The following PIK3C3 variants were observed in gnomAD, a reference collection of about 807,000 sequenced individuals.
PIK3C3 encodes phosphatidylinositol 3-kinase catalytic subunit type 3, also known as PI3-kinase type 3.
PIK3C3 carries 95 observed loss-of-function variants against 126.1 expected under a neutral mutation model. That is an observed-to-expected ratio of 0.75 (90% confidence interval 0.64 to 0.89). The LOEUF is 0.89. Ranked by LOEUF, PIK3C3 falls within the 40% of genes least tolerant of loss-of-function variation. The probability of loss-of-function intolerance (pLI) is 0.00; values close to 1 mark genes in which losing one functional copy is unlikely to be tolerated. For missense variants in PIK3C3, 829 were observed against 1,063.2 expected, an observed-to-expected ratio of 0.78 and a Z score of 3.06; for synonymous variants, 374 against 360.0, an observed-to-expected ratio of 1.04 and a Z score of -0.44.
At position 41,998,703 on chromosome 18, in the gene PIK3C3, A is replaced by G. The variant is rs1051207391; in HGVS notation, c.984+1973A>G. 5.3e-5 allele frequency among the ~76,000 whole-genome samples: 8 copies of G among 152,296 alleles called. No homozygotes were observed. In the East Asian group the frequency reaches 1.3e-3, roughly 26 times the overall value. On this transcript the variant is annotated intron_variant, in intron 9 of 24. Transcript: ENST00000262039. The stretch of plus-strand genomic sequence containing the variant: ...GATATGTTATAGGATTCTTCTGACC[A>G]CTAGAGTAGAGTGAACGATATGTTT...
At chr18:42,079,946 A>AGTGTGTGTGTGTGG (rs1986179169) in intron 24 of PIK3C3, among the ~76,000 whole-genome samples, 1 of 137,130 alleles carries the variant, frequency 7.3e-6, no homozygotes, top group Admixed American at 7.2e-5. Flanking sequence ...CCAACTTTTG[A>AGTGTGTGTGTGTGG]GTGTGTGTGT....
chr18:42,013,456 C>T lies in PIK3C3; in HGVS notation c.1185C>T (p.Tyr395=). 6.4e-7 allele frequency: 1 copy of T among 1,555,042 alleles called. No homozygotes were observed. Among genetic ancestry groups the T allele is most frequent in the Non-Finnish European group, 8.7e-7 (1 of 1,154,172 alleles). The change falls in exon 11 of 25, where the codon TAC becomes TAT. Residue 395 remains tyrosine, a synonymous_variant. Transcript: ENST00000262039. The stretch of plus-strand genomic sequence containing the variant: ...TTGTTTTCCAGGATTTGTTGATGTA[C>T]CTATTACAATTGGTCCAGGCTCTCA... The part of the protein sequence containing the change: ...RQADDEDLLM[Y]LLQLVQALKY...
At chr18:41,985,288 G>C (rs1981412666) in intron 4 of PIK3C3, among the ~76,000 whole-genome samples, 1 of 152,132 alleles carries the variant, frequency 6.6e-6, no homozygotes, top group African/African-American at 2.4e-5. Context: ...TAAGTTTTAG[G>C]GTGGTTCGTT....
chr18:42,061,991 C>G (rs891662567), intron 22 of PIK3C3, among the ~76,000 whole-genome samples: 1 of 151,828 alleles, frequency 6.6e-6, no homozygotes, highest in Non-Finnish European at 1.5e-5. Flanking sequence ...GGGGAAAGTT[C>G]TGGACTCGCT....
Position 42,084,866 on chromosome 18 carries a change from T to C in PIK3C3, c.*3729T>C, listed in dbSNP as rs1986366131. ...TGTGAGTTTTCCCAGGGGATTCCGA[T>C]GCCTGCTAGATTTAACCAGTAGATG... On this transcript the variant is annotated 3_prime_UTR_variant, in exon 25 of 25. Transcript: ENST00000262039. The C allele has an allele frequency of 6.6e-6, 1 of 152,260 alleles. No individual in the cohort carries two copies. Among genetic ancestry groups the C allele is most frequent in the African/African-American group, 2.4e-5 (1 of 41,452 alleles). 9.4% of individuals were successfully genotyped at this position (152,260 alleles called of 1,614,324 possible).
chr18:41,956,905 C>A (rs546244342), intron 1 of PIK3C3, among the ~76,000 whole-genome samples: 11 of 152,236 alleles, frequency 7.2e-5, no homozygotes, highest in Middle Eastern at 3.4e-3. Flanking sequence ...AAATGCCTGG[C>A]ACAGTATCTG....
intron 24 of PIK3C3, among the ~76,000 whole-genome samples, chr18:42,071,814 C>T (rs664884): frequency 0.51 from 77,767 of 151,714 alleles, 22,096 homozygotes; most frequent in African/African-American, 0.77. Context: ...GAATTTCATA[C>T]TCTTTATCCT....
chr18:41,991,808 T>G (rs934011781), intron 6 of PIK3C3, among the ~76,000 whole-genome samples: 14 of 152,294 alleles, frequency 9.2e-5, no homozygotes, highest in African/African-American at 3.1e-4. Flanking sequence ...ATGGTACTCC[T>G]TGGATAGATT....
chr18:42,006,860 CTTT>C (rs71265065), intron 10 of PIK3C3, among the ~76,000 whole-genome samples: 1 of 102,296 alleles, frequency 9.8e-6, no homozygotes. Flanking sequence ...AAATCATATT[CTTT>C]TTTTTTTTTT....
At position 41,993,337 on chromosome 18, in the gene PIK3C3, C is replaced by G. The variant is rs765622333; in HGVS notation, c.782C>G (p.Ser261Cys). The change falls in exon 7 of 25, where the codon TCT becomes TGT. Residue 261 changes from serine (S) to cysteine (C), a missense_variant. Ser to Cys is a moderately radical substitution (Grantham distance 112). Coordinates refer to ENST00000262039, the MANE Select transcript of PIK3C3 (RefSeq NM_002647.4). ...GTGAAAGTTCCTGACCCCCAGATGT[C>G]TATGGTAAGTTATTGTGCAATTTTT... ...ELVKVPDPQM[S>C]MENLVESKHH... 6 of 1,598,528 alleles carry G rather than the reference C, an allele frequency of 3.8e-6. No homozygotes were observed. The highest frequency in any genetic ancestry group is 1.7e-5 in the Admixed American group (1 of 59,216).
intron 24 of PIK3C3, among the ~76,000 whole-genome samples, chr18:42,080,511 A>T (rs1986210254): frequency 6.6e-6 from 1 of 152,210 alleles, no homozygotes; most frequent in African/African-American, 2.4e-5. Context: ...TATTTGTATC[A>T]AACAAAAAGG....
chr18:42,015,378 C>A, intron 11 of PIK3C3, 98 bp from the exon 12 acceptor site: 1 of 855,920 alleles, frequency 1.2e-6, no homozygotes, highest in Non-Finnish European at 1.9e-6. Context: ...GTTGCATTAA[C>A]TAGACACAAT....
chr18:42,085,732 G>A lies in PIK3C3; in HGVS notation c.*4595G>A, dbSNP rs1300979615. On this transcript the variant is annotated 3_prime_UTR_variant, in exon 25 of 25. Coordinates refer to ENST00000262039, the MANE Select transcript of PIK3C3 (RefSeq NM_002647.4). Reference sequence around the variant, plus strand: ...TATTGCCATTCTAAAACTCTGGCATGTAAATGGGAGAAATGGAAATAAGCT... The same window carrying A: ...TATTGCCATTCTAAAACTCTGGCATATAAATGGGAGAAATGGAAATAAGCT... 6.6e-6 allele frequency: 1 copy of A among 152,178 alleles called. No homozygotes were observed. Among genetic ancestry groups the A allele is most frequent in the East Asian group, 1.9e-4 (1 of 5,196 alleles). 9.4% of individuals were successfully genotyped at this position (152,178 alleles called of 1,614,324 possible).
Position 42,026,917 on chromosome 18 carries a change from A to G in PIK3C3, c.1485-526A>G, listed in dbSNP as rs561588670. The stretch of plus-strand genomic sequence containing the variant: ...ACCATAGTTTTTTAATTGGAAAGTT[A>G]AAGATTATGTATGGATCTTTGAAAA... On this transcript the variant is annotated intron_variant, in intron 13 of 24. Transcript: ENST00000262039. The G allele has an allele frequency of 2.6e-5, 4 of 152,378 alleles. 1 individual carries two copies. In the East Asian group the frequency reaches 7.7e-4, roughly 29 times the overall value. 9.4% of individuals were successfully genotyped at this position (152,378 alleles called of 1,614,324 possible).
At chr18:42,010,873 A>G (rs1038287913) in intron 10 of PIK3C3, among the ~76,000 whole-genome samples, 1 of 152,238 alleles carries the variant, frequency 6.6e-6, no homozygotes, top group African/African-American at 2.4e-5. Context: ...TTCTTAAATA[A>G]TAAGACTTGA....
At chr18:42,077,859 G>A (rs979836937) in intron 24 of PIK3C3, among the ~76,000 whole-genome samples, 2 of 152,138 alleles carry the variant, frequency 1.3e-5, no homozygotes, top group Non-Finnish European at 2.9e-5. Flanking sequence ...ACTATCTGTG[G>A]CAGCTATAGC....
At chr18:42,061,704 A>T (rs1052972833) in intron 22 of PIK3C3, among the ~76,000 whole-genome samples, 27 of 152,228 alleles carry the variant, frequency 1.8e-4, no homozygotes, top group Non-Finnish European at 3.8e-4. Flanking sequence ...CAGGTTAATG[A>T]CAACAGATGT....
intron 24 of PIK3C3, among the ~76,000 whole-genome samples, chr18:42,072,139 T>C (rs1161190162): frequency 6.6e-6 from 1 of 152,210 alleles, no homozygotes; most frequent in Non-Finnish European, 1.5e-5. Flanking sequence ...TGGCATCTAT[T>C]TTTTTGTCAC....
At chr18:41,957,442 G>A in intron 1 of PIK3C3, 128 bp from the exon 2 acceptor site, 1 of 822,014 alleles carries the variant, frequency 1.2e-6, no homozygotes, top group Non-Finnish European at 1.8e-6. Flanking sequence ...TAACACAAAG[G>A]TAAACTTTTT....
Sources: allele counts gnomAD v4.1 joint callset (sites outside exome capture counted in the v4.1 genomes callset), GRCh38; gene constraint gnomAD v4.1.1; transcripts MANE v1.5; gene names NCBI Gene and HGNC (gene_info 2026-07-23, HGNC 2026-07-21).